Variants in POLE2 observed in about 807,000 individuals in gnomAD.
POLE2 encodes DNA polymerase epsilon 2, accessory subunit.
A neutral mutation model predicts 79.4 loss-of-function variants in POLE2; 56 were observed. The ratio of observed to expected loss-of-function variants is 0.71; its 90% confidence interval spans 0.57 to 0.88. POLE2 has a LOEUF of 0.88. POLE2 is among the 40% of genes least tolerant of loss of function. The pLI is 0.00. For missense variants in POLE2, 598 were observed against 638.9 expected, an observed-to-expected ratio of 0.94 and a Z score of 0.69; for synonymous variants, 212 against 214.0, an observed-to-expected ratio of 0.99 and a Z score of 0.08.
chr14:49,649,775 A>C (rs1420525884), intron 17 of POLE2, among the ~76,000 whole-genome samples: 1 of 152,232 alleles, frequency 6.6e-6, no homozygotes, highest in Non-Finnish European at 1.5e-5. Context: ...TTCTGCAGAA[A>C]TTCTGAAGCA....
At chr14:49,683,307 C>A (rs1428890638) in intron 2 of POLE2, among the ~76,000 whole-genome samples, 2 of 151,982 alleles carry the variant, frequency 1.3e-5, no homozygotes, top group Non-Finnish European at 2.9e-5. Context: ...GAGGCTGAGA[C>A]AAGAAAATTG....
chr14:49,655,119 C>T, intron 11 of POLE2, 25 bp from the exon 12 acceptor site: 1 of 1,149,874 alleles, frequency 8.7e-7, no homozygotes, highest in Non-Finnish European at 1.2e-6. Flanking sequence ...AGTAAATGAA[C>T]AATACTTTTC....
chr14:49,648,434 C>CAA (rs1566525545), intron 17 of POLE2, among the ~76,000 whole-genome samples: 4 of 152,130 alleles, frequency 2.6e-5, no homozygotes, highest in African/African-American at 9.7e-5. Context: ...TCAAATAGAG[C>CAA]ATTAACTAGG....
intron 15 of POLE2, among the ~76,000 whole-genome samples, chr14:49,652,782 TTATAA>T (rs2139617569): frequency 6.6e-6 from 1 of 152,206 alleles, no homozygotes; most frequent in Non-Finnish European, 1.5e-5. Context: ...TTATTATATA[TTATAA>T]TGTAATAATA....
At chr14:49,672,501 C>CTT (rs34239544) in intron 5 of POLE2, among the ~76,000 whole-genome samples, 2 of 142,000 alleles carry the variant, frequency 1.4e-5, no homozygotes, top group East Asian at 2.0e-4. Context: ...CCTCTCCCCT[C>CTT]TTTTTTTTTT....
At chr14:49,653,953 A>C in intron 15 of POLE2, 37 bp downstream of exon 15, 1 of 1,268,438 alleles carries the variant, frequency 7.9e-7, no homozygotes, top group South Asian at 1.3e-5. Context: ...TTTTTAAATG[A>C]AAGGAAAAAT....
intron 5 of POLE2, among the ~76,000 whole-genome samples, chr14:49,672,423 G>A (rs1186609824): frequency 2.0e-5 from 3 of 151,580 alleles, no homozygotes; most frequent in Non-Finnish European, 4.4e-5. Context: ...CTGACCATCT[G>A]CTCCTCCTTG....
chr14:49,685,231 T>C (rs1179858246), intron 1 of POLE2, among the ~76,000 whole-genome samples: 4 of 152,332 alleles, frequency 2.6e-5, no homozygotes, highest in Admixed American at 6.5e-5. Context: ...TTGTTCTATA[T>C]ATTGGGTTGC....
Position 49,677,296 on chromosome 14 carries a change from C to A in POLE2, c.245+2429G>T, listed in dbSNP as rs1254019956. 4 of 563,356 alleles carry A rather than the reference C, an allele frequency of 7.1e-6. No individual in the cohort carries two copies. The East Asian group carries it at 1.3e-4, about 18-fold the overall frequency. 34.9% of individuals were successfully genotyped at this position (563,356 alleles called of 1,614,324 possible). ...GCTTCCGTTCTTTAAGAGAGATATA[C>A]TGTGGAATGGAGAGAAAGGCCGAAG... On this transcript the variant is annotated intron_variant, in intron 3 of 18. Transcript: ENST00000216367.
chr14:49,651,486 C>T (rs1183339386), intron 15 of POLE2, 109 bp from the exon 16 acceptor site: 4 of 531,784 alleles, frequency 7.5e-6, no homozygotes, highest in African/African-American at 5.8e-5. Flanking sequence ...CTGTTCACCA[C>T]ACAAAACTTC....
Position 49,659,263 on chromosome 14 carries a change from A to ATT in POLE2, c.756-3422_756-3421dup, listed in dbSNP as rs71441242. On this transcript the variant is annotated intron_variant, in intron 10 of 18. Transcript: ENST00000216367. ...GAAGACCCCCACCAATCCCTACACA[A>ATT]TTTTTTTTTTTTAATTAGCAGTCTT... is the stretch of plus-strand genomic sequence containing the variant. Among the ~76,000 whole-genome samples the ATT allele has an allele frequency of 1.0e-3, 153 of 148,074 alleles. 1 individual carries two copies. Among genetic ancestry groups the ATT allele is most frequent in the African/African-American group, 3.5e-3 (143 of 40,434 alleles).
At chr14:49,684,139 A>G (rs1886935877) in intron 1 of POLE2, among the ~76,000 whole-genome samples, 1 of 152,154 alleles carries the variant, frequency 6.6e-6, no homozygotes, top group South Asian at 2.1e-4. Context: ...AAATTCCAAT[A>G]ATCACTGTTT....
At chr14:49,670,735 G>A (rs571640636) in intron 5 of POLE2, among the ~76,000 whole-genome samples, 2 of 152,114 alleles carry the variant, frequency 1.3e-5, no homozygotes, top group South Asian at 4.2e-4. Flanking sequence ...ACTTTATAGG[G>A]AGAACCTATT....
chr14:49,679,333 A>G (rs1027972857), intron 3 of POLE2: 4 of 161,052 alleles, frequency 2.5e-5, no homozygotes, highest in African/African-American at 9.6e-5. Flanking sequence ...CTCATTTGCC[A>G]TTCACCATGT....
chr14:49,665,095 A>G lies in POLE2; in HGVS notation c.633+12T>C, dbSNP rs756865871. The G allele has an allele frequency of 6.6e-6, 8 of 1,211,952 alleles. No individual in the cohort carries two copies. Among genetic ancestry groups the G allele is most frequent in the Non-Finnish European group, 9.7e-6 (8 of 825,082 alleles). The allele number at this position is 1,211,952 out of a possible 1,614,324, so 75.1% of individuals were successfully genotyped here. On this transcript the variant is annotated intron_variant, in intron 8 of 18. Coordinates refer to ENST00000216367, the MANE Select transcript of POLE2 (RefSeq NM_002692.4). ...ATGCAGATTTTAAAAAATACAGACA[A>G]GTGAAGGATATAGCTTTACTAAGGT... is the stretch of plus-strand genomic sequence containing the variant.
rs529855179 is a variant in POLE2, at chr14:49,667,198, A to G, written c.493-785T>C. Among the ~76,000 whole-genome samples the G allele has an allele frequency of 1.1e-3, 164 of 151,164 alleles. 1 individual carries two copies. The highest frequency in any genetic ancestry group is 1.8e-3 in the Non-Finnish European group (124 of 67,336). ...AGACTCTGTCTCAAAAAAAAAACAAAAAAAACAAAAAACTTTCCATCTTTT... is the reference window on the plus strand; with the variant it reads ...AGACTCTGTCTCAAAAAAAAAACAAGAAAAACAAAAAACTTTCCATCTTTT... On this transcript the variant is annotated intron_variant, in intron 6 of 18. Coordinates refer to ENST00000216367, the MANE Select transcript of POLE2 (RefSeq NM_002692.4).
At position 49,679,738 on chromosome 14, in the gene POLE2, C is replaced by T. The variant is rs901108431; in HGVS notation, c.232G>A (p.Val78Ile). The change falls in exon 3 of 19, where the codon GTT (valine) becomes ATT (isoleucine). Residue 78 changes from valine to isoleucine, a missense_variant. Physicochemically the swap from Val to Ile is conservative, Grantham distance 29 (BLOSUM62 3). Coordinates refer to ENST00000216367, the MANE Select transcript of POLE2 (RefSeq NM_002692.4). ...EAAVQECSQSVDETIEHVFNI... is the reference protein window; with the variant it reads ...EAAVQECSQSIDETIEHVFNI... ...GTACCCACATACATAGTTTCATCAA[C>T]AGACTGACTGCATTCCTGGACTGCT... The T allele has an allele frequency of 1.5e-5, 24 of 1,592,964 alleles. No homozygotes were observed. Among genetic ancestry groups the T allele is most frequent in the African/African-American group, 2.7e-5 (2 of 74,464 alleles).
Position 49,669,528 on chromosome 14 carries a change from A to C in POLE2, c.488T>G (p.Phe163Cys). 6.5e-7 allele frequency: 1 copy of C among 1,540,620 alleles called. No individual in the cohort carries two copies. The highest frequency in any genetic ancestry group is 9.0e-7 in the Non-Finnish European group (1 of 1,113,222). ...GSHPDESGSKFQLKTIETLLG... is the reference protein window; with the variant it reads ...GSHPDESGSKCQLKTIETLLG... ...TAACTAGGATAATGTTCTAACCTGG[A>C]ATTTGCTTCCGCTTTCATCAGGGTG... Residue 163 changes from phenylalanine to cysteine, a missense_variant, in exon 6 of 19, where the codon TTC (phenylalanine) becomes TGC (cysteine). Physicochemically the swap from Phe to Cys is radical, Grantham distance 205. Transcript: ENST00000216367.
At chr14:49,654,681 T>C in intron 13 of POLE2, 103 bp downstream of exon 13, 1 of 1,319,894 alleles carries the variant, frequency 7.6e-7, no homozygotes, top group Non-Finnish European at 1.0e-6. Flanking sequence ...CAACTTTATC[T>C]TTCTTCCTTA....
Sources: allele counts gnomAD v4.1 joint callset (sites outside exome capture counted in the v4.1 genomes callset), GRCh38; gene constraint gnomAD v4.1.1; transcripts MANE v1.5; gene names NCBI Gene and HGNC (gene_info 2026-07-23, HGNC 2026-07-21).